Variants in FAM117A observed in about 807,000 individuals in gnomAD.
FAM117A encodes the protein family with sequence similarity 117 member A.
A neutral mutation model predicts 44.1 loss-of-function variants in FAM117A; 21 were observed. The ratio of observed to expected loss-of-function variants is 0.48; its 90% CI spans 0.34 to 0.69. The LOEUF (loss-of-function observed/expected upper bound fraction) is 0.69, where lower values mean the gene tolerates loss of function less well. FAM117A is among the 30% of genes least tolerant of loss of function. The pLI, the probability that FAM117A is intolerant of heterozygous loss-of-function variation, is 0.01. For missense variants in FAM117A, 498 were observed against 589.9 expected (o/e 0.84, Z 1.61); for synonymous variants, 220 against 238.3 (o/e 0.92, Z 0.71).
intron 2 of FAM117A, among the ~76,000 whole-genome samples, chr17:49,724,968 C>G (rs943287612): frequency 6.6e-6 from 1 of 152,162 alleles, no homozygotes; most frequent in African/African-American, 2.4e-5. Context: ...TTCCACCAAC[C>G]ACTGCCTTCT....
At chr17:49,719,444 A>AC (rs748742986) in intron 5 of FAM117A, among the ~76,000 whole-genome samples, 14 of 152,210 alleles carry the variant, frequency 9.2e-5, no homozygotes, top group Non-Finnish European at 2.1e-4. Flanking sequence ...TGCCGAGCAC[A>AC]CGGGGAACAG....
Position 49,720,437 on chromosome 17 carries a change from C to A in FAM117A, c.463-1G>T. 8.1e-6 allele frequency: 13 copies of A among 1,612,440 alleles called. No individual in the cohort carries two copies. The highest frequency in any genetic ancestry group is 1.1e-5 in the Non-Finnish European group (13 of 1,179,784). ...GCAGTTGTTGCTTCAACTTGGAAAT[C>A]TAGCAGCCCAGAGAGAAGACGACAG... On this transcript the variant is annotated splice_acceptor_variant, in intron 3 of 7. Coordinates refer to ENST00000240364, the MANE Select transcript of FAM117A (RefSeq NM_030802.4). LOFTEE classifies it high-confidence loss of function.
At chr17:49,740,563 T>G (rs1195654034) in intron 1 of FAM117A, among the ~76,000 whole-genome samples, 1 of 152,178 alleles carries the variant, frequency 6.6e-6, no homozygotes, top group Non-Finnish European at 1.5e-5. Context: ...AAGCAGATTT[T>G]GAGCACTCAC....
In FAM117A at chr17:49,711,403, G is replaced by A. The variant is rs138923537; in HGVS notation, c.1214C>T (p.Pro405Leu). The change falls in exon 8 of 8, where the codon CCG becomes CTG. Residue 405 changes from proline to leucine, a missense_variant. Around this residue, in one of 3 missense-constraint regions of FAM117A, gnomAD observed 224 missense variants for 296.5 expected, o/e 0.76. Transcript: ENST00000240364. ...GCTGGCCGGGGGAAGGGGAGATCCC[G>A]GGTTTGAGGGGCAGTTACGGAAGAT... Reference protein sequence around the residue: ...GFIFRNCPSNPGSPLPPASPR... With the variant: ...GFIFRNCPSNLGSPLPPASPR... The A allele has an allele frequency of 6.6e-5, 106 of 1,613,120 alleles. No homozygotes were observed. The highest frequency in any genetic ancestry group is 8.6e-5 in the Non-Finnish European group (102 of 1,179,694).
intron 7 of FAM117A, 21 bp downstream of exon 7, chr17:49,716,144 C>T (rs2073502071): frequency 6.2e-7 from 1 of 1,600,182 alleles, no homozygotes; most frequent in Non-Finnish European, 8.5e-7. Flanking sequence ...CTCCCACACC[C>T]TGTCCACTTG....
rs779843040 is a variant in FAM117A at position 49,717,567 on chromosome 17, G to A, written c.856C>T (p.His286Tyr). Residue 286 changes from histidine to tyrosine, a missense_variant, in exon 6 of 8, where the codon CAT (histidine) becomes TAT (tyrosine). Physicochemically the swap from His to Tyr is moderately conservative, Grantham distance 83. Transcript: ENST00000240364. Reference protein sequence around the residue: ...ASPQPCGLASHEEHRGAAEEL... With the variant: ...ASPQPCGLASYEEHRGAAEEL... ...TCGGCGGCACCCCGATGTTCCTCAT[G>A]ACTGGCCAGGCCACAAGGCTGGGGA... is the stretch of plus-strand genomic sequence containing the variant. The A allele has an allele frequency of 3.5e-5, 57 of 1,614,012 alleles. No homozygotes were observed. Among genetic ancestry groups the A allele is most frequent in the Non-Finnish European group, 2.5e-6 (3 of 1,180,030 alleles).
chr17:49,779,326 C>A (rs546777473), intron 1 of FAM117A, among the ~76,000 whole-genome samples: 1 of 152,226 alleles, frequency 6.6e-6, no homozygotes, highest in South Asian at 2.1e-4. Context: ...GGAAGGAGAA[C>A]AGTCATGACG....
In FAM117A at chr17:49,711,405, G is replaced by C; in HGVS notation, c.1212C>G (p.Asn404Lys). The C allele has an allele frequency of 1.2e-6, 2 of 1,613,428 alleles. No homozygotes were observed. The highest frequency in any genetic ancestry group is 8.5e-7 in the Non-Finnish European group (1 of 1,179,754). Residue 404 changes from asparagine to lysine, a missense_variant, in exon 8 of 8, where the codon AAC becomes AAG. Physicochemically the swap from Asn to Lys is moderately conservative, Grantham distance 94. This residue lies in a region of FAM117A where 224 missense variants were observed against 296.5 expected (regional missense o/e 0.76). Coordinates refer to ENST00000240364, the MANE Select transcript of FAM117A (RefSeq NM_030802.4). Reference sequence around the variant, plus strand: ...TGGCCGGGGGAAGGGGAGATCCCGGGTTTGAGGGGCAGTTACGGAAGATGA... The same window carrying C: ...TGGCCGGGGGAAGGGGAGATCCCGGCTTTGAGGGGCAGTTACGGAAGATGA... ...MGFIFRNCPS[N>K]PGSPLPPASP...
chr17:49,786,360 T>C (rs769205514), intron 1 of FAM117A, among the ~76,000 whole-genome samples: 1 of 152,204 alleles, frequency 6.6e-6, no homozygotes, highest in Non-Finnish European at 1.5e-5. Context: ...AACACTAATT[T>C]CCAGGGAGGA....
chr17:49,712,189 T>G (rs573617025), intron 7 of FAM117A, among the ~76,000 whole-genome samples: 2 of 151,924 alleles, frequency 1.3e-5, no homozygotes, highest in South Asian at 4.1e-4. Context: ...ATGGTGTTTT[T>G]GGGGACAGAC....
chr17:49,786,780 A>G (rs1464082324), intron 1 of FAM117A, among the ~76,000 whole-genome samples: 1 of 62,126 alleles, frequency 1.6e-5, no homozygotes, highest in Non-Finnish European at 2.5e-5. Context: ...CTGTCTCAGA[A>G]AAAAAAAAAA....
At chr17:49,787,156 G>C (rs979031698) in intron 1 of FAM117A, among the ~76,000 whole-genome samples, 2 of 152,194 alleles carry the variant, frequency 1.3e-5, no homozygotes, top group African/African-American at 4.8e-5. Flanking sequence ...CTTAATGTAA[G>C]AGATCCTTAC....
At chr17:49,734,066 C>A (rs1332079957) in intron 1 of FAM117A, among the ~76,000 whole-genome samples, 1 of 151,126 alleles carries the variant, frequency 6.6e-6, no homozygotes, top group Non-Finnish European at 1.5e-5. Context: ...TGGTGTGAAC[C>A]CAGGAGGCAG....
intron 2 of FAM117A, among the ~76,000 whole-genome samples, chr17:49,730,485 T>C (rs1327870876): frequency 1.3e-5 from 2 of 152,176 alleles, no homozygotes; most frequent in African/African-American, 4.8e-5. Flanking sequence ...AGTGGGATGG[T>C]GACTTCCTAG....
chr17:49,724,467 C>T (rs1307231680), intron 2 of FAM117A: 3 of 456,174 alleles, frequency 6.6e-6, no homozygotes, highest in Non-Finnish European at 1.3e-5. Flanking sequence ...CTCTTGCAAA[C>T]TCTTCAAGTA....
rs73335252 is a variant in FAM117A, at chr17:49,720,317, A to G, written c.573+9T>C. ...AACAGAGGGGAGAGGGCTGGGGGAG[A>G]AAACATACCCTCAGTGCTCCCCGCA... On this transcript the variant is annotated intron_variant, in intron 4 of 7. Coordinates refer to ENST00000240364, the MANE Select transcript of FAM117A (RefSeq NM_030802.4). The G allele has an allele frequency of 5.2e-3, 8,376 of 1,607,760 alleles. 352 individuals are homozygous for G. In the African/African-American group the frequency reaches 0.096, roughly 18 times the overall value.
At chr17:49,775,426 C>T (rs1215841312) in intron 1 of FAM117A, among the ~76,000 whole-genome samples, 2 of 152,166 alleles carry the variant, frequency 1.3e-5, no homozygotes, top group Non-Finnish European at 2.9e-5. Context: ...ACAAGACGGC[C>T]CTGGCTCAAC....
intron 1 of FAM117A, among the ~76,000 whole-genome samples, chr17:49,755,950 G>A (rs2073696996): frequency 6.6e-6 from 1 of 152,164 alleles, no homozygotes; most frequent in Non-Finnish European, 1.5e-5. Flanking sequence ...ATCTGTTCAA[G>A]CTGCAGGGTG....
chr17:49,735,084 T>A (rs765783932), intron 1 of FAM117A, among the ~76,000 whole-genome samples: 1 of 152,140 alleles, frequency 6.6e-6, no homozygotes, highest in Non-Finnish European at 1.5e-5. Flanking sequence ...GTTGTGGAAA[T>A]GGACCCTGGT....
Sources: gnomAD v4.1 joint callset for allele counts (sites outside exome capture counted in the v4.1 genomes callset) on GRCh38, gnomAD v4.1.1 for gene constraint, gnomAD v4.1.1 regional missense constraint, MANE v1.5 for transcripts, NCBI Gene and HGNC (gene_info 2026-07-23, HGNC 2026-07-21) for gene names.